ADGRV1: variants seen among roughly 807,000 people sequenced by gnomAD.
ADGRV1 encodes adhesion G protein-coupled receptor V1, also known as G-protein coupled receptor 98.
Under a neutral mutation model 596.2 loss-of-function variants are expected in ADGRV1, and 359 were observed. That is an observed-to-expected ratio of 0.60 (90% confidence interval 0.55 to 0.66). The LOEUF (loss-of-function observed/expected upper bound fraction) is 0.66. Among genes scored for constraint, ADGRV1 ranks in the 30% least tolerant of loss-of-function variants. ADGRV1 has a pLI of 0.00. For synonymous variants in ADGRV1, 2,681 were observed against 2,679.2 expected (o/e 1.00, Z -0.02); for missense variants, 7,274 against 7,575.6 (o/e 0.96, Z 1.48).
At chr5:90,697,444 A>T (rs542227715) in intron 34 of ADGRV1, among the ~76,000 whole-genome samples, 1 of 152,232 alleles carries the variant, frequency 6.6e-6, no homozygotes, top group Admixed American at 6.6e-5. Context: ...ATATTACTTC[A>T]TAGGTTTCTT....
chr5:90,835,559 A>G (rs1018100262), intron 77 of ADGRV1, among the ~76,000 whole-genome samples: 3 of 152,190 alleles, frequency 2.0e-5, no homozygotes, highest in Non-Finnish European at 2.9e-5. Flanking sequence ...AACATATATC[A>G]TAGTCTAACT....
chr5:90,704,621 ATGTT>A, intron 36 of ADGRV1, 133 bp downstream of exon 36: 1 of 556,162 alleles, frequency 1.8e-6, no homozygotes, highest in Non-Finnish European at 3.2e-6. Flanking sequence ...TCCCCTAGAA[ATGTT>A]AGATCAAAAA....
chr5:91,009,358 C>G (rs1186254789), intron 85 of ADGRV1, among the ~76,000 whole-genome samples: 1 of 152,094 alleles, frequency 6.6e-6, no homozygotes, highest in African/African-American at 2.4e-5. Context: ...TGCCACAGGT[C>G]TCAGATTGTA....
At chr5:90,972,424 T>C (rs1320035495) in intron 84 of ADGRV1, among the ~76,000 whole-genome samples, 1 of 152,208 alleles carries the variant, frequency 6.6e-6, no homozygotes, top group Non-Finnish European at 1.5e-5. Flanking sequence ...ACATCGCACT[T>C]ATTCCAAAAT....
intron 38 of ADGRV1, among the ~76,000 whole-genome samples, chr5:90,708,094 A>G (rs1253380485): frequency 6.6e-6 from 1 of 152,170 alleles, no homozygotes; most frequent in Non-Finnish European, 1.5e-5. Context: ...GTGTGTACTG[A>G]CATTATATAT....
chr5:91,073,497 T>C (rs1193822984), intron 86 of ADGRV1, among the ~76,000 whole-genome samples: 1 of 152,194 alleles, frequency 6.6e-6, no homozygotes, highest in Non-Finnish European at 1.5e-5. Flanking sequence ...TTTTAGGGGC[T>C]CAGTAGCTAC....
intron 83 of ADGRV1, among the ~76,000 whole-genome samples, chr5:90,886,643 A>G (rs997091772): frequency 3.9e-5 from 6 of 152,040 alleles, no homozygotes; most frequent in Non-Finnish European, 7.4e-5. Flanking sequence ...GGTCTTATAT[A>G]CTCTGTTGCT....
intron 50 of ADGRV1, among the ~76,000 whole-genome samples, chr5:90,739,055 T>C (rs1050618253): frequency 1.3e-5 from 2 of 152,048 alleles, no homozygotes; most frequent in Non-Finnish European, 2.9e-5. Context: ...ACTAATTTTC[T>C]TTCTTCTGCT....
At chr5:90,807,521 C>T in intron 72 of ADGRV1, 81 bp from the exon 73 acceptor site, 1 of 1,309,294 alleles carries the variant, frequency 7.6e-7, no homozygotes, top group Non-Finnish European at 1.0e-6. Flanking sequence ...AAAGAAAATA[C>T]ACTACTACAG....
intron 79 of ADGRV1, among the ~76,000 whole-genome samples, chr5:90,851,763 T>A (rs1371120544): frequency 6.6e-6 from 1 of 152,156 alleles, no homozygotes; most frequent in Non-Finnish European, 1.5e-5. Flanking sequence ...TCAGGGAAAT[T>A]ATGGTTATCA....
chr5:90,757,192 T>G, intron 57 of ADGRV1, 31 bp downstream of exon 57: 1 of 1,592,940 alleles, frequency 6.3e-7, no homozygotes, highest in Admixed American at 1.7e-5. Context: ...TTAGCCTTTT[T>G]GAGTTGTGCT....
In ADGRV1 at chr5:90,605,401, GAGAC is replaced by G. The variant is rs147185083; in HGVS notation, c.23-9433_23-9430del. Among the ~76,000 whole-genome samples, 855 of 147,312 alleles carry G rather than the reference GAGAC, an allele frequency of 5.8e-3. 4 individuals carry two copies. Among genetic ancestry groups the G allele is most frequent in the Middle Eastern group, 0.024 (7 of 292 alleles). On this transcript the variant is annotated intron_variant, in intron 1 of 89. Coordinates refer to ENST00000405460, the MANE Select transcript of ADGRV1 (RefSeq NM_032119.4). ...CTGCACTCCAGCCTGGTGATAGAGC[GAGAC>G]TACGTCTTAAAAAAAAAAAAAAAAG...
rs1001563807 is a variant in ADGRV1, at chr5:90,588,286, A to G, written c.23-26549A>G. Among the ~76,000 whole-genome samples, 17 of 152,266 alleles carry G rather than the reference A, an allele frequency of 1.1e-4. 1 individual carries two copies. Among genetic ancestry groups the G allele is most frequent in the South Asian group, 4.1e-4 (2 of 4,838 alleles). On this transcript the variant is annotated intron_variant, in intron 1 of 89. Transcript: ENST00000405460. ...GGTAAATGGAAGTGAGCATTCTCTG[A>G]ATATACTTTCTTATATAGGTTTAAC... is the stretch of plus-strand genomic sequence containing the variant.
chr5:90,848,059 CCT>C (rs755494486), intron 78 of ADGRV1, among the ~76,000 whole-genome samples: 146 of 152,114 alleles, frequency 9.6e-4, no homozygotes, highest in Non-Finnish European at 1.3e-3. Context: ...CCTTTTTTCC[CCT>C]GTCTCTCAAA....
chr5:90,805,198 A>C (rs1376500583), intron 71 of ADGRV1, 86 bp from the exon 72 acceptor site: 2 of 1,112,968 alleles, frequency 1.8e-6, no homozygotes, highest in Non-Finnish European at 2.6e-6. Context: ...TGTATAAACC[A>C]AGGGAAAGTT....
chr5:90,908,589 C>A (rs1456236816), intron 83 of ADGRV1, among the ~76,000 whole-genome samples: 2 of 152,018 alleles, frequency 1.3e-5, no homozygotes, highest in African/African-American at 2.4e-5. Flanking sequence ...TTTTTGCTTG[C>A]CTTTACTTTG....
At chr5:90,589,251 G>A (rs982901916) in intron 1 of ADGRV1, among the ~76,000 whole-genome samples, 15 of 152,252 alleles carry the variant, frequency 9.9e-5, no homozygotes, top group Middle Eastern at 3.4e-3. Context: ...AAGACTCCCC[G>A]TATTTCAGTT....
At chr5:90,980,317 G>C (rs1462836665) in intron 84 of ADGRV1, among the ~76,000 whole-genome samples, 1 of 152,114 alleles carries the variant, frequency 6.6e-6, no homozygotes, top group African/African-American at 2.4e-5. Context: ...CAAATTTGGT[G>C]GTTTATAATG....
intron 83 of ADGRV1, among the ~76,000 whole-genome samples, chr5:90,890,550 GA>G (rs1350940755): frequency 6.6e-6 from 1 of 152,134 alleles, no homozygotes; most frequent in Non-Finnish European, 1.5e-5. Flanking sequence ...GGCATATTAT[GA>G]AGATAGCAGA....
Sources: gnomAD v4.1 joint callset for allele counts (sites outside exome capture counted in the v4.1 genomes callset) on GRCh38, gnomAD v4.1.1 for gene constraint, MANE v1.5 for transcripts, NCBI Gene and HGNC (gene_info 2026-07-23, HGNC 2026-07-21) for gene names.